POU6F2: variants seen among roughly 807,000 people sequenced by gnomAD.
POU6F2 encodes the protein POU class 6 homeobox 2.
Under a neutral mutation model 71.3 loss-of-function variants are expected in POU6F2, and 31 were observed. The ratio of observed to expected loss-of-function variants is 0.43; its 90% CI spans 0.33 to 0.59. The LOEUF is 0.59. POU6F2 is among the 20% of genes least tolerant of loss of function. The probability of loss-of-function intolerance (pLI) is 0.04; values close to 1 mark genes in which losing one functional copy is unlikely to be tolerated. For synonymous variants in POU6F2, 347 were observed against 355.7 expected (o/e 0.98, Z 0.27); for missense variants, 783 against 856.8 (o/e 0.91, Z 1.07).
chr7:39,114,778 G>T (rs1405004414), intron 2 of POU6F2, among the ~76,000 whole-genome samples: 4 of 152,076 alleles, frequency 2.6e-5, no homozygotes, highest in Admixed American at 2.6e-4. Context: ...TGAGCGCTTT[G>T]CTGCTAATTG....
At chr7:39,193,205 T>C (rs73695679) in intron 2 of POU6F2, among the ~76,000 whole-genome samples, 2,656 of 152,166 alleles carry the variant, frequency 0.017, 76 homozygotes, top group African/African-American at 0.06. Flanking sequence ...TAACATTTTT[T>C]TAAAGACGAT....
At position 39,106,473 on chromosome 7, in the gene POU6F2, G is replaced by A. The variant is rs574944178; in HGVS notation, c.277+20442G>A. ...TGGGTTTGTAGTTTGCTTTTTTCAT[G>A]TTTAGTTTGTTTTTATTGAAACTAT... On this transcript the variant is annotated intron_variant, in intron 2 of 9. Coordinates refer to ENST00000518318, the MANE Select transcript of POU6F2 (RefSeq NM_001370959.1). Among the ~76,000 whole-genome samples the A allele has an allele frequency of 2.8e-4, 42 of 152,168 alleles. No individual in the cohort carries two copies. In the South Asian group the frequency reaches 8.7e-3, roughly 32 times the overall value.
intron 4 of POU6F2, among the ~76,000 whole-genome samples, chr7:39,314,959 C>T (rs1237314884): frequency 2.6e-5 from 4 of 152,142 alleles, no homozygotes; most frequent in Non-Finnish European, 5.9e-5. Context: ...TTCAGGTGAT[C>T]AAAATCAAAA....
At chr7:39,451,310 A>G (rs1788652775) in intron 7 of POU6F2, among the ~76,000 whole-genome samples, 2 of 151,562 alleles carry the variant, frequency 1.3e-5, no homozygotes, top group South Asian at 4.2e-4. Context: ...AATTAATAAT[A>G]TATTTAGAAT....
At chr7:39,169,618 A>G (rs1793177205) in intron 2 of POU6F2, among the ~76,000 whole-genome samples, 1 of 152,178 alleles carries the variant, frequency 6.6e-6, no homozygotes, top group Non-Finnish European at 1.5e-5. Context: ...CTTGAACTAA[A>G]TATACCTAGA....
intron 4 of POU6F2, among the ~76,000 whole-genome samples, chr7:39,288,866 C>T (rs1364403377): frequency 6.6e-6 from 1 of 152,192 alleles, no homozygotes; most frequent in Non-Finnish European, 1.5e-5. Flanking sequence ...ACCAGGTGCT[C>T]TTCAGCCTCT....
intron 4 of POU6F2, among the ~76,000 whole-genome samples, chr7:39,231,392 A>G (rs1794571056): frequency 6.6e-6 from 1 of 152,186 alleles, no homozygotes; most frequent in African/African-American, 2.4e-5. Context: ...TTTGACCCCT[A>G]CGGCATGCCA....
chr7:38,993,036 A>T (rs1041621404), intron 1 of POU6F2, among the ~76,000 whole-genome samples: 4 of 152,198 alleles, frequency 2.6e-5, no homozygotes, highest in Admixed American at 2.6e-4. Flanking sequence ...TGAGGTTAGG[A>T]TCTACTCTAG....
At chr7:38,991,409 T>G (rs1788600114) in intron 1 of POU6F2, among the ~76,000 whole-genome samples, 1 of 152,194 alleles carries the variant, frequency 6.6e-6, no homozygotes, top group African/African-American at 2.4e-5. Flanking sequence ...TCTTGTGCCC[T>G]GCATTTTGAT....
At chr7:39,293,863 C>T (rs1198077400) in intron 4 of POU6F2, among the ~76,000 whole-genome samples, 1 of 152,112 alleles carries the variant, frequency 6.6e-6, no homozygotes, top group Non-Finnish European at 1.5e-5. Flanking sequence ...ATTGCACTGT[C>T]CCTGGGGAAA....
intron 7 of POU6F2, among the ~76,000 whole-genome samples, chr7:39,441,308 C>A (rs537333442): frequency 6.6e-6 from 1 of 151,624 alleles, no homozygotes; most frequent in African/African-American, 2.4e-5. Flanking sequence ...GTGAGCAAAC[C>A]ATTTAGGAGT....
intron 1 of POU6F2, among the ~76,000 whole-genome samples, chr7:39,060,774 T>C (rs1048075772): frequency 6.6e-6 from 1 of 152,148 alleles, no homozygotes; most frequent in African/African-American, 2.4e-5. Flanking sequence ...CATTACATTC[T>C]TCAAACTTAT....
intron 7 of POU6F2, among the ~76,000 whole-genome samples, chr7:39,445,935 A>G (rs770448054): frequency 2.0e-5 from 3 of 152,226 alleles, no homozygotes; most frequent in Non-Finnish European, 2.9e-5. Flanking sequence ...CAGTAGCAGC[A>G]TCACCTGAAA....
At chr7:39,109,817 C>T (rs529625725) in intron 2 of POU6F2, among the ~76,000 whole-genome samples, 11 of 152,218 alleles carry the variant, frequency 7.2e-5, no homozygotes, top group African/African-American at 2.6e-4. Flanking sequence ...CTCAGAGAGG[C>T]GTCTGGTAGA....
At chr7:39,423,073 G>A (rs1333544052) in intron 6 of POU6F2, among the ~76,000 whole-genome samples, 2 of 152,180 alleles carry the variant, frequency 1.3e-5, no homozygotes, top group Admixed American at 6.5e-5. Context: ...TTTCAATGAA[G>A]GGTTAACTCG....
intron 5 of POU6F2, among the ~76,000 whole-genome samples, chr7:39,403,040 A>T (rs1787338195): frequency 6.6e-6 from 1 of 152,126 alleles, no homozygotes; most frequent in Non-Finnish European, 1.5e-5. Flanking sequence ...TTCTTTTCAT[A>T]CCCATTTTAC....
intron 5 of POU6F2, among the ~76,000 whole-genome samples, chr7:39,378,277 C>T (rs1401459185): frequency 6.6e-6 from 1 of 152,194 alleles, no homozygotes; most frequent in Non-Finnish European, 1.5e-5. Flanking sequence ...TTCTCTCTGT[C>T]CCCACTGCCA....
At chr7:39,363,453 T>C (rs1002566095) in intron 5 of POU6F2, among the ~76,000 whole-genome samples, 3 of 151,770 alleles carry the variant, frequency 2.0e-5, no homozygotes, top group African/African-American at 7.3e-5. Flanking sequence ...AGGAAGCAAT[T>C]GGATAATCAG....
At chr7:39,030,235 TG>T (rs1562677495) in intron 1 of POU6F2, among the ~76,000 whole-genome samples, 1 of 151,846 alleles carries the variant, frequency 6.6e-6, no homozygotes, top group Non-Finnish European at 1.5e-5. Context: ...TCCCTTTCTG[TG>T]TTTTTTGGAA....
Sources: allele counts gnomAD v4.1 joint callset (sites outside exome capture counted in the v4.1 genomes callset), GRCh38; gene constraint gnomAD v4.1.1; transcripts MANE v1.5; gene names NCBI Gene and HGNC (gene_info 2026-07-23, HGNC 2026-07-21).